The following PKP4 variants were observed in gnomAD, a reference collection of about 807,000 sequenced individuals.
PKP4 encodes the protein plakophilin 4.
A neutral mutation model predicts 145.1 loss-of-function variants in PKP4; 90 were observed. The observed-to-expected ratio is 0.62, with a 90% confidence interval of 0.52 to 0.74. The LOEUF is 0.74. Ranked by LOEUF, PKP4 falls within the 30% of genes least tolerant of loss-of-function variation. The pLI, the probability that PKP4 is intolerant of heterozygous loss-of-function variation, is 0.00. For missense variants in PKP4, 1,340 were observed against 1,482.7 expected (o/e 0.90, Z 1.58); for synonymous variants, 563 against 577.2 (o/e 0.98, Z 0.35).
At chr2:158,584,029 C>T (rs2048570723) in intron 3 of PKP4, among the ~76,000 whole-genome samples, 1 of 152,122 alleles carries the variant, frequency 6.6e-6, no homozygotes, top group Non-Finnish European at 1.5e-5. Context: ...AGGGGGAAGC[C>T]GCCTTTCTGG....
chr2:158,526,384 C>A, intron 1 of PKP4, among the ~76,000 whole-genome samples: 1 of 89,916 alleles, frequency 1.1e-5, no homozygotes, highest in Non-Finnish European at 2.3e-5. Flanking sequence ...AGACAAAAAC[C>A]ACATGATTAT....
intron 12 of PKP4, chr2:158,661,053 A>T (rs1429888858): frequency 4.5e-6 from 1 of 223,372 alleles, no homozygotes; most frequent in Non-Finnish European, 9.0e-6. Context: ...GAAGAACCTC[A>T]GGAGAATAGG....
chr2:158,481,702 T>C (rs1693379844), intron 1 of PKP4, among the ~76,000 whole-genome samples: 1 of 152,228 alleles, frequency 6.6e-6, no homozygotes, highest in African/African-American at 2.4e-5. Flanking sequence ...GGAGAAATAT[T>C]TATTTAAATC....
intron 19 of PKP4, 41 bp from the exon 20 acceptor site, chr2:158,676,698 T>C: frequency 6.2e-7 from 1 of 1,612,798 alleles, no homozygotes; most frequent in Non-Finnish European, 8.5e-7. Flanking sequence ...CTGATTTCTC[T>C]TTCTACCCCT....
intron 9 of PKP4, among the ~76,000 whole-genome samples, chr2:158,639,389 C>T (rs556776816): frequency 6.6e-6 from 1 of 152,164 alleles, no homozygotes; most frequent in East Asian, 1.9e-4. Flanking sequence ...GGATGACATG[C>T]CCCTTTGCAG....
At chr2:158,551,731 A>G (rs936906620) in intron 2 of PKP4, among the ~76,000 whole-genome samples, 2 of 152,240 alleles carry the variant, frequency 1.3e-5, no homozygotes, top group African/African-American at 4.8e-5. Flanking sequence ...CCTCATTTTT[A>G]AAATTATGTT....
In PKP4 at chr2:158,533,281, A is replaced by C. The variant is rs900952586; in HGVS notation, c.97A>C (p.Thr33Pro). 6.2e-7 allele frequency: 1 copy of C among 1,614,178 alleles called. No homozygotes were observed. Among genetic ancestry groups the C allele is most frequent in the Non-Finnish European group, 8.5e-7 (1 of 1,180,022 alleles). The stretch of plus-strand genomic sequence containing the variant: ...TGGCCCAGGCATGGAACCCGAGACC[A>C]CAGCCACCACTATTCTAGCATCCGT... The part of the protein sequence containing the change: ...STGPGMEPET[T>P]ATTILASVKE... The change falls in exon 2 of 22, where the codon ACA becomes CCA. Residue 33 changes from threonine to proline, a missense_variant. Physicochemically the swap from Thr to Pro is conservative, Grantham distance 38 (BLOSUM62 -1). Coordinates refer to ENST00000389759, the MANE Select transcript of PKP4 (RefSeq NM_003628.6).
chr2:158,584,160 C>T (rs1378503534), intron 3 of PKP4, among the ~76,000 whole-genome samples: 1 of 152,220 alleles, frequency 6.6e-6, no homozygotes, highest in Non-Finnish European at 1.5e-5. Flanking sequence ...CCGAGGCCAA[C>T]CGAGGGTCTG....
At chr2:158,540,639 G>A (rs998298184) in intron 2 of PKP4, among the ~76,000 whole-genome samples, 1 of 152,098 alleles carries the variant, frequency 6.6e-6, no homozygotes, top group Non-Finnish European at 1.5e-5. Flanking sequence ...AGACAAGAAT[G>A]TGTGTACTTT....
At chr2:158,538,979 CTT>C (rs1483584499) in intron 2 of PKP4, among the ~76,000 whole-genome samples, 12 of 152,182 alleles carry the variant, frequency 7.9e-5, no homozygotes, top group Non-Finnish European at 1.6e-4. Flanking sequence ...TATATGCACT[CTT>C]TTTACTCTGG....
At chr2:158,514,453 G>T (rs780924055) in intron 1 of PKP4, among the ~76,000 whole-genome samples, 4 of 152,138 alleles carry the variant, frequency 2.6e-5, no homozygotes, top group Non-Finnish European at 4.4e-5. Context: ...CCTTGAAAAC[G>T]AAATATAGTA....
At chr2:158,660,889 G>C (rs1466678640) in intron 12 of PKP4, 1 of 154,632 alleles carries the variant, frequency 6.5e-6, no homozygotes, top group East Asian at 1.9e-4. Context: ...AACAAGGGAG[G>C]TGAAGCATGT....
chr2:158,522,565 A>G (rs888878993), intron 1 of PKP4, among the ~76,000 whole-genome samples: 1 of 152,228 alleles, frequency 6.6e-6, no homozygotes, highest in African/African-American at 2.4e-5. Flanking sequence ...CATGTTTTAG[A>G]AGCCTCAAAA....
intron 1 of PKP4, among the ~76,000 whole-genome samples, chr2:158,522,655 G>A (rs112938928): frequency 2.0e-4 from 31 of 152,238 alleles, no homozygotes; most frequent in South Asian, 1.5e-3. Flanking sequence ...GAACAGCTCC[G>A]GTCTACAGCT....
intron 4 of PKP4, among the ~76,000 whole-genome samples, chr2:158,610,320 T>A (rs1033399502): frequency 2.6e-5 from 4 of 152,158 alleles, no homozygotes; most frequent in African/African-American, 9.7e-5. Context: ...TCTCGAAATA[T>A]ACAATCTCTG....
chr2:158,504,419 G>C (rs1697022631), intron 1 of PKP4, among the ~76,000 whole-genome samples: 1 of 152,176 alleles, frequency 6.6e-6, no homozygotes, highest in Non-Finnish European at 1.5e-5. Flanking sequence ...GAATATCTGA[G>C]AATTATCTGA....
Position 158,642,507 on chromosome 2 carries a change from A to G in PKP4, c.1717A>G (p.Lys573Glu), listed in dbSNP as rs765869977. The G allele has an allele frequency of 6.2e-7, 1 of 1,610,766 alleles. No individual in the cohort carries two copies. The highest frequency in any genetic ancestry group is 8.5e-7 in the Non-Finnish European group (1 of 1,177,546). Residue 573 changes from lysine to glutamate, a missense_variant, in exon 11 of 22, where the codon AAG (lysine) becomes GAG (glutamate). By Grantham distance (56) the Lys-to-Glu change is moderately conservative (BLOSUM62 1). Transcript: ENST00000389759. Reference protein sequence around the residue: ...KMEVCRLGGIKHLVDLLDHRV... With the variant: ...KMEVCRLGGIEHLVDLLDHRV... ...CTAGGTGTGTAGGTTAGGGGGAATC[A>G]AGCATCTGGTTGACCTTCTGGACCA...
chr2:158,642,946 C>A (rs962251257), intron 11 of PKP4, among the ~76,000 whole-genome samples: 1 of 152,094 alleles, frequency 6.6e-6, no homozygotes, highest in Non-Finnish European at 1.5e-5. Flanking sequence ...TAACAGATGT[C>A]TTTTTCATGG....
At chr2:158,523,826 G>A (rs1471483374) in intron 1 of PKP4, among the ~76,000 whole-genome samples, 109 of 136,030 alleles carry the variant, frequency 8.0e-4, no homozygotes, top group African/African-American at 2.5e-3. Context: ...CGAGAACTAC[G>A]TGAAGAATGC....
Sources: allele counts gnomAD v4.1 joint callset (sites outside exome capture counted in the v4.1 genomes callset), GRCh38; gene constraint gnomAD v4.1.1; transcripts MANE v1.5; gene names NCBI Gene and HGNC (gene_info 2026-07-23, HGNC 2026-07-21).